FNDC3B: variants seen among roughly 807,000 people sequenced by gnomAD.
The protein encoded by FNDC3B is fibronectin type III domain-containing protein 3B.
FNDC3B carries 12 observed loss-of-function variants against 151.5 expected under a neutral mutation model. The observed-to-expected ratio is 0.08, with a 90% CI of 0.05 to 0.13. The LOEUF is 0.13. Among genes scored for constraint, FNDC3B ranks in the 10% least tolerant of loss-of-function variants. The pLI, the probability that FNDC3B is intolerant of heterozygous loss-of-function variation, is 1.00. For missense variants in FNDC3B, 1,214 were observed against 1,505.3 expected (o/e 0.81, Z 3.20); for synonymous variants, 528 against 549.0 (o/e 0.96, Z 0.54).
chr3:172,155,602 T>A (rs1293189526), intron 3 of FNDC3B, among the ~76,000 whole-genome samples: 1 of 152,242 alleles, frequency 6.6e-6, no homozygotes, highest in Non-Finnish European at 1.5e-5. Flanking sequence ...TGTTTTCCCC[T>A]TTCCTGGAAG....
chr3:172,089,658 A>G (rs755113674), intron 1 of FNDC3B, among the ~76,000 whole-genome samples: 4 of 152,176 alleles, frequency 2.6e-5, no homozygotes, highest in Admixed American at 6.5e-5. Context: ...CTCTGACAGA[A>G]GACTCTTGGA....
At chr3:172,222,764 A>G (rs1726351615) in intron 3 of FNDC3B, among the ~76,000 whole-genome samples, 1 of 152,136 alleles carries the variant, frequency 6.6e-6, no homozygotes, top group Non-Finnish European at 1.5e-5. Flanking sequence ...TGTGCAGCCC[A>G]TTTCCTAACT....
intron 3 of FNDC3B, among the ~76,000 whole-genome samples, chr3:172,209,415 G>A (rs1372864231): frequency 6.6e-6 from 1 of 152,214 alleles, no homozygotes; most frequent in South Asian, 2.1e-4. Flanking sequence ...GGCAACTGGA[G>A]GGTGAGCAAG....
intron 3 of FNDC3B, among the ~76,000 whole-genome samples, chr3:172,183,519 C>T (rs1560006500): frequency 6.6e-6 from 1 of 152,146 alleles, no homozygotes; most frequent in African/African-American, 2.4e-5. Context: ...AAGTTGCTTA[C>T]TGGTCTTACT....
chr3:172,300,429 T>C (rs149922593), intron 9 of FNDC3B, among the ~76,000 whole-genome samples: 204 of 152,090 alleles, frequency 1.3e-3, no homozygotes, highest in African/African-American at 4.6e-3. Context: ...TGAAGAGTCT[T>C]CTCTTTATTT....
At chr3:172,387,107 C>T (rs894276809) in intron 25 of FNDC3B, among the ~76,000 whole-genome samples, 2 of 152,148 alleles carry the variant, frequency 1.3e-5, no homozygotes, top group African/African-American at 4.8e-5. Flanking sequence ...AAGGCGCCTG[C>T]CACCATGCCA....
chr3:172,050,735 A>G (rs978895598), intron 1 of FNDC3B, among the ~76,000 whole-genome samples: 17 of 123,356 alleles, frequency 1.4e-4, no homozygotes, highest in African/African-American at 3.8e-4. Context: ...GTGTGTGTGT[A>G]TAGTGTGTAT....
intron 1 of FNDC3B, among the ~76,000 whole-genome samples, chr3:172,090,940 T>A (rs1215587012): frequency 6.6e-6 from 1 of 152,246 alleles, no homozygotes; most frequent in Non-Finnish European, 1.5e-5. Flanking sequence ...CCAAGATACC[T>A]GTATATGATA....
intron 9 of FNDC3B, chr3:172,302,410 C>T (rs1237872401): frequency 6.6e-6 from 1 of 152,234 alleles, no homozygotes; most frequent in East Asian, 1.9e-4. Flanking sequence ...TGCTGTAGCT[C>T]ACATGCCTGT....
intron 3 of FNDC3B, among the ~76,000 whole-genome samples, chr3:172,197,954 G>C (rs1444416145): frequency 1.3e-5 from 2 of 152,208 alleles, no homozygotes; most frequent in African/African-American, 4.8e-5. Context: ...GTAGTTCAAA[G>C]TGATATAAAT....
chr3:172,343,131 C>T lies in FNDC3B; in HGVS notation c.2077+15C>T. The T allele has an allele frequency of 7.6e-7, 1 of 1,309,424 alleles. No individual in the cohort carries two copies. 81.1% of individuals were successfully genotyped at this position (1,309,424 alleles called of 1,614,324 possible). On this transcript the variant is annotated intron_variant, in intron 18 of 25. Transcript: ENST00000415807. ...CTTAGAGTGGGGTGAGTGAACTAACCTTCACATTGACATTGACAATTTGGA... is the reference window on the plus strand; with the variant it reads ...CTTAGAGTGGGGTGAGTGAACTAACTTTCACATTGACATTGACAATTTGGA...
chr3:172,379,711 C>T (rs1576962128), intron 24 of FNDC3B, among the ~76,000 whole-genome samples: 1 of 152,190 alleles, frequency 6.6e-6, no homozygotes, highest in South Asian at 2.1e-4. Flanking sequence ...ACTGTGGCTG[C>T]TTTGGTTTAT....
At chr3:172,060,894 T>A (rs1362492504) in intron 1 of FNDC3B, among the ~76,000 whole-genome samples, 1 of 152,228 alleles carries the variant, frequency 6.6e-6, no homozygotes, top group African/African-American at 2.4e-5. Flanking sequence ...GAACTTTCAA[T>A]CAAGAGGAAT....
intron 25 of FNDC3B, among the ~76,000 whole-genome samples, chr3:172,385,851 C>T (rs1347655525): frequency 6.6e-6 from 1 of 152,300 alleles, no homozygotes; most frequent in East Asian, 1.9e-4. Context: ...AGCCACCATG[C>T]CCGGCCCTTC....
chr3:172,346,186 T>C (rs1733605669), intron 19 of FNDC3B, 141 bp from the exon 20 acceptor site: 2 of 438,142 alleles, frequency 4.6e-6, no homozygotes, highest in Non-Finnish European at 8.2e-6. Context: ...GTGAAAATCA[T>C]TGGGTAATAT....
rs372899194 is a variant in FNDC3B at position 172,295,297 on chromosome 3, A to G, written c.850-66A>G. On this transcript the variant is annotated intron_variant, in intron 7 of 25. Coordinates refer to ENST00000415807, the MANE Select transcript of FNDC3B (RefSeq NM_022763.4). The stretch of plus-strand genomic sequence containing the variant: ...ATTAACTGTGAGCCAGTTTTATGCC[A>G]CTACTAATAATTCTGAAAATGTAAA... The G allele has an allele frequency of 1.3e-5, 19 of 1,466,404 alleles. No homozygotes were observed. The East Asian group carries it at 1.8e-4, about 14-fold the overall frequency. 90.8% of individuals were successfully genotyped at this position (1,466,404 alleles called of 1,614,324 possible).
chr3:172,114,432 G>T (rs948843131), intron 2 of FNDC3B, among the ~76,000 whole-genome samples: 4 of 152,150 alleles, frequency 2.6e-5, no homozygotes, highest in African/African-American at 7.2e-5. Context: ...AGAGACCTGA[G>T]GCCACCCATC....
intron 6 of FNDC3B, among the ~76,000 whole-genome samples, chr3:172,259,950 A>C (rs1360139703): frequency 6.6e-6 from 1 of 152,190 alleles, no homozygotes; most frequent in East Asian, 1.9e-4. Flanking sequence ...TAATTCGTTG[A>C]GTTTTCTTTT....
chr3:172,351,558 A>G lies in FNDC3B; in HGVS notation c.2515-1245A>G, dbSNP rs141172760. On this transcript the variant is annotated intron_variant, in intron 21 of 25. Transcript: ENST00000415807. The stretch of plus-strand genomic sequence containing the variant: ...TTCTGAATAAGATGGAAACCCACTG[A>G]AGGAATTTGAACCAAAAATCTCGAT... Among the ~76,000 whole-genome samples the G allele has an allele frequency of 5.3e-5, 8 of 152,334 alleles. No individual in the cohort carries two copies. The East Asian group carries it at 1.5e-3, about 29-fold the overall frequency.
Sources: allele counts gnomAD v4.1 joint callset (sites outside exome capture counted in the v4.1 genomes callset), GRCh38; gene constraint gnomAD v4.1.1; transcripts MANE v1.5; gene names NCBI Gene and HGNC (gene_info 2026-07-23, HGNC 2026-07-21).